The following DOCK3 variants were observed in gnomAD, a reference collection of about 807,000 sequenced individuals.
DOCK3 encodes the protein dedicator of cytokinesis 3, also known as dedicator of cytokinesis protein 3.
Under a neutral mutation model 265.6 loss-of-function variants are expected in DOCK3, and 60 were observed. That is an observed-to-expected ratio of 0.23 (90% CI 0.18 to 0.28). The LOEUF (loss-of-function observed/expected upper bound fraction) is 0.28. Among genes scored for constraint, DOCK3 ranks in the 10% least tolerant of loss-of-function variants. The pLI is 1.00. For missense variants in DOCK3, 1,981 were observed against 2,594.3 expected (o/e 0.76, Z 5.14); for synonymous variants, 881 against 938.0 (o/e 0.94, Z 1.11).
chr3:51,001,824 T>G (rs1204144749), intron 5 of DOCK3, among the ~76,000 whole-genome samples: 1 of 152,220 alleles, frequency 6.6e-6, no homozygotes, highest in Non-Finnish European at 1.5e-5. Flanking sequence ...CAGTATATTT[T>G]ATTTTATCTA....
intron 12 of DOCK3, among the ~76,000 whole-genome samples, chr3:51,169,138 T>C (rs569220125): frequency 1.3e-5 from 2 of 152,272 alleles, no homozygotes; most frequent in African/African-American, 4.8e-5. Context: ...ACTGTTGGTG[T>C]GAGTATAAAT....
At chr3:51,123,600 A>G (rs1162628459) in intron 9 of DOCK3, among the ~76,000 whole-genome samples, 1 of 152,156 alleles carries the variant, frequency 6.6e-6, no homozygotes, top group Non-Finnish European at 1.5e-5. Flanking sequence ...TCTGTCTCAC[A>G]CATGAGGGGT....
At chr3:50,956,718 C>G (rs1170347596) in intron 5 of DOCK3, among the ~76,000 whole-genome samples, 2 of 152,136 alleles carry the variant, frequency 1.3e-5, no homozygotes, top group African/African-American at 2.4e-5. Context: ...CAAAATGAAA[C>G]TAGAATCTAA....
intron 5 of DOCK3, among the ~76,000 whole-genome samples, chr3:50,975,259 A>G (rs1200495816): frequency 1.3e-5 from 2 of 151,134 alleles, no homozygotes; most frequent in Admixed American, 6.6e-5. Context: ...CCCATTCAGT[A>G]TGATATTGGC....
chr3:50,815,489 G>A (rs745642545), intron 2 of DOCK3, among the ~76,000 whole-genome samples: 2 of 152,016 alleles, frequency 1.3e-5, no homozygotes, highest in Non-Finnish European at 2.9e-5. Context: ...ATTGACCTTC[G>A]TCTCTTTTCA....
rs938093840 is a variant in DOCK3, at chr3:50,683,448, A to C, written c.37+8148A>C. ...AAAAATGTTGGACAGGAGAGGAAGA[A>C]AATTTTATTGTCCTAGAGGGGAATT... On this transcript the variant is annotated intron_variant, in intron 1 of 52. Coordinates refer to ENST00000266037, the MANE Select transcript of DOCK3 (RefSeq NM_004947.5). Among the ~76,000 whole-genome samples the C allele has an allele frequency of 1.2e-4, 18 of 152,206 alleles. No homozygotes were observed. In the East Asian group the frequency reaches 3.5e-3, roughly 29 times the overall value.
At chr3:50,731,816 T>C (rs1349968997) in intron 1 of DOCK3, among the ~76,000 whole-genome samples, 8 of 152,162 alleles carry the variant, frequency 5.3e-5, no homozygotes, top group Admixed American at 5.2e-4. Context: ...AAAACAATGA[T>C]ATCTGCCTTC....
intron 49 of DOCK3, among the ~76,000 whole-genome samples, chr3:51,364,295 G>A (rs1381943083): frequency 6.6e-6 from 1 of 152,218 alleles, no homozygotes; most frequent in Non-Finnish European, 1.5e-5. Flanking sequence ...CTTTTGAGAA[G>A]TGTCTGTTCA....
intron 2 of DOCK3, among the ~76,000 whole-genome samples, chr3:50,817,660 C>T (rs1440071598): frequency 1.3e-5 from 2 of 152,054 alleles, no homozygotes; most frequent in Non-Finnish European, 2.9e-5. Context: ...GTTCTTGCTT[C>T]ATGGATGTAA....
chr3:51,054,998 T>C lies in DOCK3; in HGVS notation c.316-9450T>C, dbSNP rs1030039917. On this transcript the variant is annotated intron_variant, in intron 5 of 52. Coordinates refer to ENST00000266037, the MANE Select transcript of DOCK3 (RefSeq NM_004947.5). ...CTTATTATATGGTGTTCTTTGTCCA[T>C]TCATATTTAAGAATGAGGCATTAAA... Among the ~76,000 whole-genome samples the C allele has an allele frequency of 1.4e-4, 21 of 152,248 alleles. 1 individual carries two copies. Among genetic ancestry groups the C allele is most frequent in the Admixed American group, 1.3e-3 (20 of 15,286 alleles).
chr3:51,328,043 G>A (rs1029359335), intron 32 of DOCK3, among the ~76,000 whole-genome samples: 8 of 152,148 alleles, frequency 5.3e-5, no homozygotes, highest in African/African-American at 1.9e-4. Flanking sequence ...TCAGAAGCAC[G>A]TGGAAGATTC....
At chr3:51,239,802 C>T (rs2078527480) in intron 21 of DOCK3, among the ~76,000 whole-genome samples, 1 of 148,806 alleles carries the variant, frequency 6.7e-6, no homozygotes, top group African/African-American at 2.5e-5. Flanking sequence ...AAGGGAATAT[C>T]CCCCTTTTCA....
intron 11 of DOCK3, 80 bp downstream of exon 11, chr3:51,159,384 T>G: frequency 7.8e-7 from 1 of 1,284,932 alleles, no homozygotes; most frequent in Non-Finnish European, 1.1e-6. Context: ...AGCTTTGTTT[T>G]CTCCCTAGAT....
chr3:51,023,990 G>A (rs1434120118), intron 5 of DOCK3, among the ~76,000 whole-genome samples: 2 of 152,016 alleles, frequency 1.3e-5, no homozygotes, highest in Non-Finnish European at 2.9e-5. Flanking sequence ...TTTCTAATTT[G>A]GATAGCCTAT....
At chr3:51,259,536 G>C (rs1231076105) in intron 22 of DOCK3, among the ~76,000 whole-genome samples, 1 of 152,150 alleles carries the variant, frequency 6.6e-6, no homozygotes, top group Non-Finnish European at 1.5e-5. Context: ...GCTTCATCTT[G>C]TACCATTTAT....
chr3:51,069,638 G>A (rs931389222), intron 6 of DOCK3, among the ~76,000 whole-genome samples: 18 of 150,940 alleles, frequency 1.2e-4, no homozygotes, highest in African/African-American at 2.0e-4. Context: ...CTTTCTCTCC[G>A]TCTGTCATTT....
At chr3:50,702,608 A>G (rs2125369) in intron 1 of DOCK3, among the ~76,000 whole-genome samples, 14,392 of 152,140 alleles carry the variant, frequency 0.095, 842 homozygotes, top group Non-Finnish European at 0.12. Context: ...ACCTCAAGCT[A>G]TCTGCCTGTC....
At chr3:50,900,750 C>G (rs1259239092) in intron 4 of DOCK3, 1 of 447,976 alleles carries the variant, frequency 2.2e-6, no homozygotes, top group Non-Finnish European at 4.5e-6. Context: ...TGCAGGTCTG[C>G]TGGAGTTTGC....
intron 1 of DOCK3, among the ~76,000 whole-genome samples, chr3:50,721,111 G>C (rs1165701567): frequency 6.6e-6 from 1 of 151,582 alleles, no homozygotes; most frequent in Non-Finnish European, 1.5e-5. Flanking sequence ...GACCTTTGTT[G>C]GATGCATAGT....
Sources: gnomAD v4.1 joint callset for allele counts (sites outside exome capture counted in the v4.1 genomes callset) on GRCh38, gnomAD v4.1.1 for gene constraint, MANE v1.5 for transcripts, NCBI Gene and HGNC (gene_info 2026-07-23, HGNC 2026-07-21) for gene names.